NLRP11: variants seen among roughly 807,000 people sequenced by gnomAD.
NLRP11 encodes the protein NLR family pyrin domain containing 11.
Under a neutral mutation model 79.3 loss-of-function variants are expected in NLRP11, and 53 were observed. That is an observed-to-expected ratio of 0.67 (90% CI 0.54 to 0.84). The LOEUF is 0.84. Among genes scored for constraint, NLRP11 ranks in the 40% least tolerant of loss-of-function variants. The probability of loss-of-function intolerance (pLI) is 0.00; values close to 1 mark genes in which losing one functional copy is unlikely to be tolerated. For missense variants in NLRP11, 1,264 were observed against 1,255.0 expected (o/e 1.01, Z -0.11); for synonymous variants, 518 against 462.6 (o/e 1.12, Z -1.54).
intron 6 of NLRP11, among the ~76,000 whole-genome samples, chr19:55,793,339 C>A (rs1978466070): frequency 1.3e-5 from 2 of 152,014 alleles, no homozygotes; most frequent in South Asian, 4.1e-4. Flanking sequence ...GAGGGGGAGA[C>A]AGGAAGATCA....
upstream of NLRP11, among the ~76,000 whole-genome samples, chr19:55,833,610 T>TA (rs1413220860): frequency 1.3e-5 from 2 of 150,844 alleles, no homozygotes; most frequent in East Asian, 1.9e-4. Flanking sequence ...ACCAAAAATA[T>TA]AAAAAAATTT....
chr19:55,822,827 G>C (rs941054539), intron 1 of NLRP11, among the ~76,000 whole-genome samples: 1 of 152,140 alleles, frequency 6.6e-6, no homozygotes, highest in Admixed American at 6.5e-5. Context: ...GCGGCAGCTA[G>C]GCTGGGGGAG....
At chr19:55,835,367 G>A (rs1019033295), upstream of NLRP11, among the ~76,000 whole-genome samples, 5 of 152,242 alleles carry the variant, frequency 3.3e-5, no homozygotes, top group Non-Finnish European at 7.3e-5. Flanking sequence ...CTTAGCGCCT[G>A]TTCTGCCTAC....
At chr19:55,791,931 C>A (rs1444604682) in intron 7 of NLRP11, among the ~76,000 whole-genome samples, 1 of 152,166 alleles carries the variant, frequency 6.6e-6, no homozygotes, top group African/African-American at 2.4e-5. Context: ...CCCCCATGAT[C>A]GCCAACCCCA....
exon 10 of NLRP11, chr19:55,785,538 CAT>C (rs1393709758): frequency 2.0e-4 from 203 of 1,022,266 alleles, no homozygotes; most frequent in Non-Finnish European, 2.6e-4. Flanking sequence ...CACACACACA[CAT>C]CAAATAGGAA....
chr19:55,820,042 C>T (rs1981530803), intron 1 of NLRP11, among the ~76,000 whole-genome samples: 2 of 152,130 alleles, frequency 1.3e-5, no homozygotes, highest in South Asian at 4.1e-4. Flanking sequence ...CCTATGGTAC[C>T]TGAGTTTTGC....
At position 55,822,157 on chromosome 19, in the gene NLRP11, G is replaced by A. The variant is rs564918099; in HGVS notation, c.-62-3921C>T. Reference sequence around the variant, plus strand: ...TGGCTACCTGTAATCCCAGCTATTTGGAAGGCTGAGACAGGAGAATCACTT... The same window carrying A: ...TGGCTACCTGTAATCCCAGCTATTTAGAAGGCTGAGACAGGAGAATCACTT... On this transcript the variant is annotated intron_variant, in intron 1 of 9. Coordinates refer to ENST00000589093, the Ensembl canonical transcript of NLRP11. Among the ~76,000 whole-genome samples, 28 of 152,270 alleles carry A rather than the reference G, an allele frequency of 1.8e-4. No homozygotes were observed. The Middle Eastern group carries it at 0.014, about 74-fold the overall frequency.
chr19:55,832,652 G>A (rs1982907411), upstream of NLRP11, among the ~76,000 whole-genome samples: 1 of 152,140 alleles, frequency 6.6e-6, no homozygotes, highest in South Asian at 2.1e-4. Context: ...GAAGAATAGG[G>A]GCATCTTCAT....
chr19:55,809,114 A>G lies in NLRP11; in HGVS notation c.1496T>C (p.Leu499Pro), dbSNP rs1270364063. 3 of 1,613,976 alleles carry G rather than the reference A, an allele frequency of 1.9e-6. No homozygotes were observed. The highest frequency in any genetic ancestry group is 2.5e-6 in the Non-Finnish European group (3 of 1,180,012). Residue 499 changes from leucine to proline, a missense_variant, in exon 3 of 10, where the codon CTA (leucine) becomes CCA (proline). Leu to Pro is a moderately conservative substitution (Grantham distance 98, BLOSUM62 -3). Transcript: ENST00000589093. The surrounding 1 kb of genome is among the most constrained non-coding windows in gnomAD (Gnocchi z 4.5). ...AAGAATCTTTCTCCTGTTTGCATTT[A>G]GAAGACCAAAAATGAAAGTAAACAC...
intron 2 of NLRP11, among the ~76,000 whole-genome samples, chr19:55,811,653 G>A (rs1011342995): frequency 6.6e-6 from 1 of 151,940 alleles, no homozygotes; most frequent in Non-Finnish European, 1.5e-5. Context: ...TCTCCTTACT[G>A]TTTTTATCTA....
chr19:55,835,699 G>A (rs1306085010), upstream of NLRP11, among the ~76,000 whole-genome samples: 26 of 137,684 alleles, frequency 1.9e-4, no homozygotes, highest in East Asian at 1.5e-3. Context: ...AAAATTAGCC[G>A]AGGCCAGGCA....
chr19:55,808,960 A>G, exon 3 of NLRP11: 1 of 1,614,096 alleles, frequency 6.2e-7, no homozygotes, highest in South Asian at 1.1e-5. Context: ...CCCGATTCTC[A>G]TAGAGACAGT....
chr19:55,785,536 CACATCAA>C, exon 10 of NLRP11: 1 of 1,052,226 alleles, frequency 9.5e-7, no homozygotes. Context: ...CACACACACA[CACATCAA>C]ATAGGAAAAT....
intron 4 of NLRP11, among the ~76,000 whole-genome samples, chr19:55,801,974 C>A (rs1447115554): frequency 6.6e-6 from 1 of 152,144 alleles, no homozygotes; most frequent in African/African-American, 2.4e-5. Context: ...ACCTCATGAC[C>A]TTTCTTAAGT....
At chr19:55,820,660 A>T (rs549507087) in intron 1 of NLRP11, among the ~76,000 whole-genome samples, 1 of 151,870 alleles carries the variant, frequency 6.6e-6, no homozygotes, top group Admixed American at 6.5e-5. Context: ...TCGAAAACTT[A>T]GTTTTTCAAA....
chr19:55,800,839 TAATGACATATGGATATAATTTG>T (rs1979410062), intron 5 of NLRP11, among the ~76,000 whole-genome samples: 1 of 152,196 alleles, frequency 6.6e-6, no homozygotes, highest in Non-Finnish European at 1.5e-5. Flanking sequence ...CTTTTTGCAT[TAATGACATATGGATATAATTTG>T]ATATGCTGGG....
upstream of NLRP11, among the ~76,000 whole-genome samples, chr19:55,835,488 G>A (rs1983170289): frequency 1.3e-5 from 2 of 151,826 alleles, no homozygotes; most frequent in South Asian, 2.1e-4. Flanking sequence ...ATCACTTGAG[G>A]TCAAGGGTTC....
intron 1 of NLRP11, among the ~76,000 whole-genome samples, chr19:55,831,382 C>T (rs1982773653): frequency 1.3e-5 from 2 of 151,290 alleles, no homozygotes; most frequent in East Asian, 2.0e-4. Context: ...GACAACATGG[C>T]GAAACCCCAT....
At chr19:55,805,719 T>C (rs769088984) in intron 4 of NLRP11, among the ~76,000 whole-genome samples, 1 of 152,062 alleles carries the variant, frequency 6.6e-6, no homozygotes, top group Non-Finnish European at 1.5e-5. Flanking sequence ...TTTGTGTTTT[T>C]AGTAGAGATG....
Sources: gnomAD v4.1 joint callset for allele counts (sites outside exome capture counted in the v4.1 genomes callset) on GRCh38, gnomAD v4.1.1 for gene constraint, Gnocchi (gnomAD v3.1) non-coding constraint, MANE v1.5 for transcripts, NCBI Gene and HGNC (gene_info 2026-07-23, HGNC 2026-07-21) for gene names.